Variants in RSRC1 observed in about 807,000 individuals in gnomAD.
RSRC1 encodes serine/Arginine-related protein 53.
In RSRC1, 39 loss-of-function variants were observed where a neutral mutation model predicts 49.1. That is an observed-to-expected ratio of 0.79 (90% CI 0.61 to 1.04). RSRC1 has a LOEUF of 1.04. Among genes scored for constraint, RSRC1 ranks in the 50% least tolerant of loss-of-function variants. The pLI, the probability that RSRC1 is intolerant of heterozygous loss-of-function variation, is 0.00. For missense variants in RSRC1, 388 were observed against 402.4 expected, an observed-to-expected ratio of 0.96 and a Z score of 0.31; for synonymous variants, 143 against 130.8, an observed-to-expected ratio of 1.09 and a Z score of -0.63.
rs548944219 is a variant in RSRC1, at chr3:158,356,807, A to G, written c.583+1899A>G. Among the ~76,000 whole-genome samples the G allele has an allele frequency of 1.2e-4, 18 of 152,210 alleles. No homozygotes were observed. The South Asian group carries it at 2.3e-3, about 19-fold the overall frequency. ...GAAAACATTTGTTTCCACAAATGCA[A>G]TTTTAAATAATTTTATTTCATAGTT... On this transcript the variant is annotated intron_variant, in intron 6 of 9. Coordinates refer to ENST00000611884, the MANE Select transcript of RSRC1 (RefSeq NM_001271838.2).
At chr3:158,393,522 A>T (rs1398917398) in intron 6 of RSRC1, among the ~76,000 whole-genome samples, 1 of 152,076 alleles carries the variant, frequency 6.6e-6, no homozygotes, top group East Asian at 1.9e-4. Flanking sequence ...TCCCTCCGAG[A>T]CTACTACAAA....
At chr3:158,422,427 C>A (rs565313034) in intron 6 of RSRC1, among the ~76,000 whole-genome samples, 37 of 151,422 alleles carry the variant, frequency 2.4e-4, no homozygotes, top group African/African-American at 4.6e-4. Context: ...ATGGCTGCAT[C>A]GTATTCCATG....
At chr3:158,368,405 C>T (rs954220970) in intron 6 of RSRC1, among the ~76,000 whole-genome samples, 6 of 152,214 alleles carry the variant, frequency 3.9e-5, no homozygotes, top group African/African-American at 1.4e-4. Context: ...GTGAGGCAGA[C>T]TGGCTTTGTA....
intron 4 of RSRC1, among the ~76,000 whole-genome samples, chr3:158,255,276 T>C (rs1724472460): frequency 6.6e-6 from 1 of 152,232 alleles, no homozygotes; most frequent in African/African-American, 2.4e-5. Flanking sequence ...TTCAGCTTTC[T>C]ACATATGGCT....
intron 4 of RSRC1, among the ~76,000 whole-genome samples, chr3:158,250,174 C>T (rs1724128362): frequency 6.6e-6 from 1 of 152,124 alleles, no homozygotes; most frequent in East Asian, 1.9e-4. Context: ...ATATAGTACT[C>T]TATTGTGTAT....
At chr3:158,141,437 C>G (rs1716743701) in intron 3 of RSRC1, among the ~76,000 whole-genome samples, 1 of 152,134 alleles carries the variant, frequency 6.6e-6, no homozygotes, top group Admixed American at 6.5e-5. Context: ...CCTAAAACTC[C>G]ATGGACCTCC....
intron 5 of RSRC1, among the ~76,000 whole-genome samples, chr3:158,324,855 A>G (rs1450561767): frequency 1.3e-5 from 2 of 152,214 alleles, no homozygotes; most frequent in Admixed American, 1.3e-4. Flanking sequence ...TCAACAGTGT[A>G]AAAGTGTTCC....
intron 6 of RSRC1, among the ~76,000 whole-genome samples, chr3:158,455,979 C>CAAAAAAAAAAAAAAAAAAAAAAAAA (rs765828003): frequency 5.3e-5 from 3 of 56,518 alleles, no homozygotes; most frequent in East Asian, 9.2e-4. Flanking sequence ...GACTCCATCT[C>CAAAAAAAAAAAAAAAAAAAAAAAAA]AAAAAAAAAA....
chr3:158,397,201 A>C (rs1733659609), intron 6 of RSRC1, among the ~76,000 whole-genome samples: 1 of 152,218 alleles, frequency 6.6e-6, no homozygotes, highest in South Asian at 2.1e-4. Flanking sequence ...TTGCACTAGA[A>C]CACTGTTGTC....
At chr3:158,193,766 G>A (rs2108266484) in intron 3 of RSRC1, among the ~76,000 whole-genome samples, 1 of 152,080 alleles carries the variant, frequency 6.6e-6, no homozygotes, top group East Asian at 1.9e-4. Context: ...AACATCTGTG[G>A]GGACAGTAAG....
At chr3:158,406,172 T>C (rs1357923697) in intron 6 of RSRC1, among the ~76,000 whole-genome samples, 1 of 152,134 alleles carries the variant, frequency 6.6e-6, no homozygotes, top group Non-Finnish European at 1.5e-5. Flanking sequence ...AAACTATGAA[T>C]ATTGCTATTA....
At chr3:158,212,700 A>G (rs908550132) in intron 4 of RSRC1, among the ~76,000 whole-genome samples, 2 of 151,936 alleles carry the variant, frequency 1.3e-5, no homozygotes, top group Non-Finnish European at 2.9e-5. Flanking sequence ...TGGCTTTGTA[A>G]GCTAGAGAGT....
At chr3:158,127,753 G>A (rs1365640499) in intron 3 of RSRC1, among the ~76,000 whole-genome samples, 1 of 70,906 alleles carries the variant, frequency 1.4e-5, no homozygotes, top group Non-Finnish European at 2.6e-5. Flanking sequence ...TGACTGCTTT[G>A]TGGTTTTTTT....
chr3:158,406,994 T>C (rs1734190521), intron 6 of RSRC1, among the ~76,000 whole-genome samples: 1 of 151,962 alleles, frequency 6.6e-6, no homozygotes, highest in South Asian at 2.1e-4. Context: ...CTACTGAGAG[T>C]ATAAGGCATG....
At chr3:158,265,583 A>T (rs1409714532) in intron 4 of RSRC1, among the ~76,000 whole-genome samples, 1 of 152,010 alleles carries the variant, frequency 6.6e-6, no homozygotes, top group Non-Finnish European at 1.5e-5. Flanking sequence ...GTGAGCTGAG[A>T]TCATGCCATT....
chr3:158,308,927 G>A lies in RSRC1; in HGVS notation c.531+10852G>A, dbSNP rs538492520. On this transcript the variant is annotated intron_variant, in intron 5 of 9. Coordinates refer to ENST00000611884, the MANE Select transcript of RSRC1 (RefSeq NM_001271838.2). ...AACTTTTTATGGGAGTGCAGTTACC[G>A]AAGATGAGAGGTAAATTAATGCACT... Among the ~76,000 whole-genome samples the A allele has an allele frequency of 1.8e-4, 28 of 151,968 alleles. No homozygotes were observed. In the East Asian group the frequency reaches 3.1e-3, roughly 17 times the overall value.
At chr3:158,500,727 T>G (rs1739555986) in intron 7 of RSRC1, among the ~76,000 whole-genome samples, 1 of 152,190 alleles carries the variant, frequency 6.6e-6, no homozygotes, top group Non-Finnish European at 1.5e-5. Context: ...GTTTCATTTC[T>G]TAATGAGGTT....
chr3:158,485,219 A>T (rs556614578), intron 7 of RSRC1, among the ~76,000 whole-genome samples: 2 of 152,242 alleles, frequency 1.3e-5, no homozygotes, highest in Non-Finnish European at 2.9e-5. Flanking sequence ...TGGATGTGTC[A>T]TAATTACCTG....
intron 7 of RSRC1, among the ~76,000 whole-genome samples, chr3:158,485,435 T>C (rs1161839282): frequency 6.6e-6 from 1 of 152,078 alleles, no homozygotes; most frequent in African/African-American, 2.4e-5. Context: ...AAAATGAATA[T>C]ATTAAGATAA....
Sources: allele counts gnomAD v4.1 joint callset (sites outside exome capture counted in the v4.1 genomes callset), GRCh38; gene constraint gnomAD v4.1.1; transcripts MANE v1.5; gene names NCBI Gene and HGNC (gene_info 2026-07-23, HGNC 2026-07-21).